Variants in METTL4 observed in about 807,000 individuals in gnomAD.
The protein encoded by METTL4 is methyltransferase 4, N6-adenosine.
In METTL4, 40 loss-of-function variants were observed where a neutral mutation model predicts 54.0. The ratio of observed to expected loss-of-function variants is 0.74; its 90% CI spans 0.58 to 0.96. The LOEUF (loss-of-function observed/expected upper bound fraction) is 0.96, where lower values mean the gene tolerates loss of function less well. Ranked by LOEUF, METTL4 falls within the 50% of genes least tolerant of loss-of-function variation. The pLI is 0.00. For missense variants in METTL4, 525 were observed against 549.0 expected (o/e 0.96, Z 0.44); for synonymous variants, 169 against 183.8 (o/e 0.92, Z 0.65).
chr18:2,547,615 C>T (rs563560120), intron 5 of METTL4, 86 bp from the exon 6 acceptor site: 1 of 981,404 alleles, frequency 1.0e-6, no homozygotes, highest in South Asian at 2.3e-5. Flanking sequence ...AACACAGACT[C>T]CACAAATGCA....
intron 5 of METTL4, among the ~76,000 whole-genome samples, chr18:2,549,063 T>A (rs1025969624): frequency 6.6e-6 from 1 of 152,186 alleles, no homozygotes; most frequent in African/African-American, 2.4e-5. Flanking sequence ...AACTCTCTCT[T>A]AGCAGGTAAA....
chr18:2,556,754 C>A (rs1269800526), intron 3 of METTL4, among the ~76,000 whole-genome samples: 2 of 149,258 alleles, frequency 1.3e-5, no homozygotes, highest in East Asian at 2.0e-4. Context: ...CAAATGTGTC[C>A]AAAATGAAGA....
At chr18:2,541,281 A>G (rs2071989579) in intron 8 of METTL4, among the ~76,000 whole-genome samples, 1 of 152,256 alleles carries the variant, frequency 6.6e-6, no homozygotes, top group African/African-American at 2.4e-5. Flanking sequence ...TGAGTATGAC[A>G]CATAAACTTC....
Position 2,567,014 on chromosome 18 carries a change from G to A in METTL4, c.203C>T (p.Ser68Phe). 2 of 1,614,096 alleles carry A rather than the reference G, an allele frequency of 1.2e-6. No homozygotes were observed. Among genetic ancestry groups the A allele is most frequent in the Non-Finnish European group, 1.7e-6 (2 of 1,179,982 alleles). ...VCAAFIASDS[S>F]TKPENDDGGN... ...TCCATCATCATTCTCTGGCTTAGTG[G>A]AAGAGTCAGAAGCAATAAATGCAGC... The change falls in exon 2 of 9, where the codon TCC (serine) becomes TTC (phenylalanine). Residue 68 changes from serine (S) to phenylalanine (F), a missense_variant. Coordinates refer to ENST00000574538, the MANE Select transcript of METTL4 (RefSeq NM_022840.5).
chr18:2,540,574 G>C, intron 8 of METTL4: 3 of 985,428 alleles, frequency 3.0e-6, no homozygotes, highest in Non-Finnish European at 3.6e-6. Context: ...TATAATTCAA[G>C]TGAACTCAAA....
chr18:2,541,991 A>T (rs1384886698), intron 8 of METTL4, among the ~76,000 whole-genome samples: 1 of 152,168 alleles, frequency 6.6e-6, no homozygotes, highest in African/African-American at 2.4e-5. Context: ...CATGAACTCA[A>T]AAATAAAATA....
Position 2,567,084 on chromosome 18 carries a change from A to G in METTL4, c.133T>C (p.Phe45Leu). 6.2e-7 allele frequency: 1 copy of G among 1,614,222 alleles called. No homozygotes were observed. The highest frequency in any genetic ancestry group is 1.1e-5 in the South Asian group (1 of 91,088). Residue 45 changes from phenylalanine to leucine, a missense_variant, in exon 2 of 9, where the codon TTT becomes CTT. Transcript: ENST00000574538. ...RKKEFTTSVH[F>L]ESLQMDSVSS... Reference sequence around the variant, plus strand: ...ACAGAATCCATTTGAAGAGACTCAAAGTGAACAGAAGTAGTGAACTCCTTT... The same window carrying G: ...ACAGAATCCATTTGAAGAGACTCAAGGTGAACAGAAGTAGTGAACTCCTTT...
intron 2 of METTL4, 113 bp downstream of exon 2, chr18:2,566,708 G>T: frequency 2.3e-6 from 2 of 859,526 alleles, no homozygotes; most frequent in Non-Finnish European, 3.3e-6. Flanking sequence ...GCCTTTTTGG[G>T]TTTTACTGAT....
Position 2,537,819 on chromosome 18 carries a change from T to C in METTL4, c.*1181A>G, listed in dbSNP as rs1012316238. On this transcript the variant is annotated 3_prime_UTR_variant, in exon 9 of 9. Transcript: ENST00000574538. Reference sequence around the variant, plus strand: ...GTGAAAGAAGCCAGGCACAATAGATTACACATTGCATGATTCCATTTATAT... The same window carrying C: ...GTGAAAGAAGCCAGGCACAATAGATCACACATTGCATGATTCCATTTATAT... The C allele has an allele frequency of 1.8e-5, 7 of 398,330 alleles. No homozygotes were observed. Among genetic ancestry groups the C allele is most frequent in the African/African-American group, 1.0e-4 (5 of 48,634 alleles). The allele number at this position is 398,330 out of a possible 1,614,324, so 24.7% of individuals were successfully genotyped here.
chr18:2,554,689 C>G lies in METTL4; in HGVS notation c.809G>C (p.Cys270Ser). 1 of 1,605,632 alleles carries G rather than the reference C, an allele frequency of 6.2e-7. No homozygotes were observed. Among genetic ancestry groups the G allele is most frequent in the South Asian group, 1.1e-5 (1 of 90,508 alleles). The change falls in exon 4 of 9, where the codon TGT becomes TCT. Residue 270 changes from cysteine to serine, a missense_variant. Coordinates refer to ENST00000574538, the MANE Select transcript of METTL4 (RefSeq NM_022840.5). ...CTTACAGTTTAGAAGTGGTTGCATA[C>G]AAGAAATGTCAGATAAAAGAAAACT... is the stretch of plus-strand genomic sequence containing the variant. ...KSSFLLSDIS[C>S]MQPLLNYRKT...
intron 2 of METTL4, among the ~76,000 whole-genome samples, chr18:2,564,480 T>C (rs937389376): frequency 2.6e-5 from 4 of 152,178 alleles, no homozygotes; most frequent in African/African-American, 9.7e-5. Flanking sequence ...ATTTCCTTTA[T>C]TTCTGAGAAG....
chr18:2,552,821 C>T lies in METTL4; in HGVS notation c.830-57G>A. ...CTTCTCTATGTGATCACTTTAAAAA[C>T]TAAACATGTTCTTCAAAACTCAAGT... On this transcript the variant is annotated intron_variant, in intron 4 of 8. Transcript: ENST00000574538. 3.5e-6 allele frequency: 4 copies of T among 1,154,962 alleles called. No homozygotes were observed. In the South Asian group the frequency reaches 4.0e-5, roughly 11 times the overall value. 71.5% of individuals were successfully genotyped at this position (1,154,962 alleles called of 1,614,324 possible). A position where few individuals can be genotyped will look rare whatever the true frequency, so the allele number is the denominator to read the frequency against.
intron 1 of METTL4, among the ~76,000 whole-genome samples, chr18:2,570,479 T>C (rs1177322634): frequency 6.6e-6 from 1 of 152,206 alleles, no homozygotes; most frequent in African/African-American, 2.4e-5. Flanking sequence ...GAAAAGCAAA[T>C]GATGTTTCCA....
chr18:2,554,644 A>G (rs1598349789), intron 4 of METTL4, 25 bp downstream of exon 4: 1 of 1,573,090 alleles, frequency 6.4e-7, no homozygotes, highest in Non-Finnish European at 8.6e-7. Context: ...ATCTTTTTCT[A>G]ATAACAAACA....
At position 2,547,487 on chromosome 18, in the gene METTL4, G is replaced by A. The variant is rs767267894; in HGVS notation, c.942C>T (p.Ile314=). 1.7e-5 allele frequency: 27 copies of A among 1,609,652 alleles called. No homozygotes were observed. In the East Asian group the frequency reaches 5.1e-4, roughly 31 times the overall value. ...GACAGTTTGGAGCAGCCAATTTAGG[G>A]ATAGGTATTTGCTGTATTTGCAGGG... ...LSPLQIQQIP[I]PKLAAPNCLL... Residue 314 remains isoleucine, a synonymous_variant, in exon 6 of 9, where the codon ATC becomes ATT. Transcript: ENST00000574538.
Position 2,566,698 on chromosome 18 carries a change from GC to G in METTL4, c.396+122del. 4 of 723,210 alleles carry G rather than the reference GC, an allele frequency of 5.5e-6. No individual in the cohort carries two copies. In the South Asian group the frequency reaches 1.2e-4, roughly 23 times the overall value. The allele number at this position is 723,210 out of a possible 1,614,324, so 44.8% of individuals were successfully genotyped here. A position where few individuals can be genotyped will look rare whatever the true frequency, so the allele number is the denominator to read the frequency against. ...TACAAATTATTTCAGATATGCTAAAGCCTTTTTGGGTTTTACTGATTCTTCT... is the reference window on the plus strand; with the variant it reads ...TACAAATTATTTCAGATATGCTAAAGCTTTTTGGGTTTTACTGATTCTTCT... On this transcript the variant is annotated intron_variant, in intron 2 of 8. Transcript: ENST00000574538.
intron 5 of METTL4, among the ~76,000 whole-genome samples, chr18:2,550,850 A>C (rs2072143481): frequency 6.6e-6 from 1 of 152,206 alleles, no homozygotes; most frequent in Non-Finnish European, 1.5e-5. Context: ...ATGTCTGTAC[A>C]TAATAGTGCC....
chr18:2,565,595 T>C (rs895568384), intron 2 of METTL4, among the ~76,000 whole-genome samples: 2 of 152,206 alleles, frequency 1.3e-5, no homozygotes, highest in African/African-American at 4.8e-5. Context: ...TTTTCTTTAT[T>C]ACTTTCCTTA....
At chr18:2,562,256 C>G (rs1191194116) in intron 3 of METTL4, 1 of 152,366 alleles carries the variant, frequency 6.6e-6, no homozygotes. Flanking sequence ...GCCTGTAGTC[C>G]CATCTACTCA....
Sources: gnomAD v4.1 joint callset for allele counts (sites outside exome capture counted in the v4.1 genomes callset) on GRCh38, gnomAD v4.1.1 for gene constraint, MANE v1.5 for transcripts, NCBI Gene and HGNC (gene_info 2026-07-23, HGNC 2026-07-21) for gene names.